Variants in DMD observed in about 807,000 individuals in gnomAD.
DMD encodes the protein dystrophin.
In DMD, 63 loss-of-function variants were observed where a neutral mutation model predicts 330.1. That is an observed-to-expected ratio of 0.19 (90% CI 0.16 to 0.24). The LOEUF is 0.24. DMD is among the 10% of genes least tolerant of loss of function. DMD has a pLI of 1.00. For missense variants in DMD, 3,344 were observed against 2,684.1 expected (o/e 1.25, Z -5.43); for synonymous variants, 1,223 against 959.8 (o/e 1.27, Z -5.07).
chrX:32,558,598 A>G lies in DMD; in HGVS notation c.1992+7104T>C, dbSNP rs1007328249. Among the ~76,000 whole-genome samples, 3 of 111,401 alleles carry G rather than the reference A, an allele frequency of 2.7e-5. No homozygotes were observed. In the Admixed American group the frequency reaches 2.9e-4, roughly 11 times the overall value. On this transcript the variant is annotated intron_variant, in intron 16 of 78. Transcript: ENST00000357033. Reference sequence around the variant, plus strand: ...TTTTTTAGCTGCCTTTCCAGTGGCAAAAGTAGGAATCTTCTTCACTAAGTA... The same window carrying G: ...TTTTTTAGCTGCCTTTCCAGTGGCAGAAGTAGGAATCTTCTTCACTAAGTA...
chrX:32,069,687 T>C (rs2096282846), intron 44 of DMD, among the ~76,000 whole-genome samples: 1 of 111,987 alleles, frequency 8.9e-6, no homozygotes, highest in Non-Finnish European at 1.9e-5. Flanking sequence ...TTCACCAAAT[T>C]AGGCTTCAAA....
rs1247155126 is a variant in DMD at position 32,626,773 on chromosome X, C to T, written c.1332-12320G>A. On this transcript the variant is annotated intron_variant, in intron 11 of 78. Coordinates refer to ENST00000357033, the MANE Select transcript of DMD (RefSeq NM_004006.3). ...CATGTATACCTATGTATCAAACCTG[C>T]GAGTTGTGCACATGCATCCTAGAAA... Among the ~76,000 whole-genome samples the T allele has an allele frequency of 5.9e-5, 6 of 102,321 alleles. 1 individual carries two copies. Among genetic ancestry groups the T allele is most frequent in the African/African-American group, 1.3e-4 (3 of 23,617 alleles). 88.9% of individuals were successfully genotyped at this position (102,321 alleles called of 115,157 possible). A position where few individuals can be genotyped will look rare whatever the true frequency, so the allele number is the denominator to read the frequency against.
intron 44 of DMD, chrX:32,205,882 G>C (rs774088056): frequency 6.4e-6 from 2 of 314,317 alleles, no homozygotes; most frequent in Non-Finnish European, 1.2e-5. Flanking sequence ...ACCTAAGTGC[G>C]TCCTGCCACC....
At chrX:32,489,100 C>G (rs936902030) in intron 20 of DMD, among the ~76,000 whole-genome samples, 4 of 111,184 alleles carry the variant, frequency 3.6e-5, no homozygotes, top group Non-Finnish European at 5.7e-5. Context: ...ACCACTGTTC[C>G]TAGCAGGAAA....
chrX:32,821,665 A>C (rs770433407), intron 5 of DMD, among the ~76,000 whole-genome samples: 1 of 111,689 alleles, frequency 9.0e-6, no homozygotes, highest in South Asian at 3.8e-4. Context: ...TATCTGCTAC[A>C]ATAGGGCTGG....
chrX:32,286,551 A>G (rs1241069817), intron 43 of DMD, among the ~76,000 whole-genome samples: 1 of 111,790 alleles, frequency 8.9e-6, no homozygotes, highest in Non-Finnish European at 1.9e-5. Flanking sequence ...TTGCACAATT[A>G]AGGAGTCAGG....
chrX:31,861,946 TACACACAC>T (rs60169449), intron 48 of DMD, among the ~76,000 whole-genome samples: 85 of 87,962 alleles, frequency 9.7e-4, no homozygotes, highest in African/African-American at 3.4e-3. Flanking sequence ...GAAAATAATA[TACACACAC>T]ACACACACAC....
At chrX:32,063,415 G>A (rs959601608) in intron 44 of DMD, among the ~76,000 whole-genome samples, 6 of 110,757 alleles carry the variant, frequency 5.4e-5, no homozygotes, top group Admixed American at 1.9e-4. Context: ...TAATGTTCTC[G>A]TTGCTAAGAC....
intron 50 of DMD, among the ~76,000 whole-genome samples, chrX:31,803,065 C>A (rs368879725): frequency 1.5e-4 from 17 of 112,101 alleles, no homozygotes; most frequent in East Asian, 1.4e-3. Flanking sequence ...ATTCCCCTTG[C>A]CCCCGGAAGG....
intron 68 of DMD, 135 bp downstream of exon 68, chrX:31,182,603 C>T (rs1016574005): frequency 4.9e-6 from 3 of 606,522 alleles, no homozygotes; most frequent in Non-Finnish European, 8.2e-6. Context: ...ATCGATGTTC[C>T]AGCCCAATCA....
intron 2 of DMD, 139 bp from the exon 3 acceptor site, chrX:32,849,959 A>G (rs2081001033): frequency 5.7e-6 from 3 of 526,385 alleles, no homozygotes; most frequent in African/African-American, 4.8e-5. Flanking sequence ...ATGACGGATG[A>G]AAAAAGGAAA....
chrX:32,908,960 C>G (rs770140950), intron 2 of DMD, among the ~76,000 whole-genome samples: 2 of 110,943 alleles, frequency 1.8e-5, no homozygotes, highest in African/African-American at 3.3e-5. Flanking sequence ...AAGATGTGTT[C>G]AAGAAATCCT....
chrX:32,971,620 C>G (rs754532931), intron 2 of DMD, among the ~76,000 whole-genome samples: 10 of 111,224 alleles, frequency 9.0e-5, no homozygotes, highest in Admixed American at 4.8e-4. Context: ...ATTCTTCTCC[C>G]CATACCAATA....
intron 63 of DMD, among the ~76,000 whole-genome samples, chrX:31,257,616 G>T (rs2050092461): frequency 9.1e-6 from 1 of 109,986 alleles, no homozygotes; most frequent in Non-Finnish European, 1.9e-5. Context: ...GAGGGGGAAA[G>T]GCAGTGCTGG....
intron 55 of DMD, among the ~76,000 whole-genome samples, chrX:31,608,649 G>A (rs760452519): frequency 2.7e-5 from 3 of 111,765 alleles, no homozygotes; most frequent in African/African-American, 6.5e-5. Context: ...TGAATGGCTA[G>A]TGCAGCCCTG....
intron 50 of DMD, among the ~76,000 whole-genome samples, chrX:31,813,533 C>T (rs1756903853): frequency 8.9e-6 from 1 of 112,148 alleles, no homozygotes; most frequent in African/African-American, 3.2e-5. Context: ...CTCTGCTCTT[C>T]CTTCGCCTTC....
chrX:32,168,724 T>C (rs2096877351), intron 44 of DMD, among the ~76,000 whole-genome samples: 1 of 111,262 alleles, frequency 9.0e-6, no homozygotes, highest in Non-Finnish European at 1.9e-5. Context: ...TGAAAATAAT[T>C]GGTTCCTCTC....
At chrX:31,566,502 T>C (rs953163334) in intron 55 of DMD, among the ~76,000 whole-genome samples, 1 of 112,056 alleles carries the variant, frequency 8.9e-6, no homozygotes, top group African/African-American at 3.2e-5. Context: ...AGCCTTACTA[T>C]ATTGTTAGCC....
chrX:32,376,725 T>TC (rs754945985), intron 34 of DMD, among the ~76,000 whole-genome samples: 2 of 109,713 alleles, frequency 1.8e-5, no homozygotes, highest in Non-Finnish European at 3.8e-5. Flanking sequence ...TTTTTTTTTT[T>TC]CTCATAAAAA....
Sources: allele counts gnomAD v4.1 joint callset (sites outside exome capture counted in the v4.1 genomes callset), GRCh38; gene constraint gnomAD v4.1.1; transcripts MANE v1.5; gene names NCBI Gene and HGNC (gene_info 2026-07-23, HGNC 2026-07-21).